DSTYK: variants seen among roughly 807,000 people sequenced by gnomAD.
DSTYK encodes the protein RIP-homologous kinase.
DSTYK carries 34 observed loss-of-function variants against 98.7 expected under a neutral mutation model. The observed-to-expected ratio is 0.34, with a 90% CI of 0.26 to 0.46. The LOEUF (loss-of-function observed/expected upper bound fraction) is 0.46, where lower values mean the gene tolerates loss of function less well. Ranked by LOEUF, DSTYK falls within the 20% of genes least tolerant of loss-of-function variation. The probability of loss-of-function intolerance (pLI) is 1.00; values close to 1 mark genes in which losing one functional copy is unlikely to be tolerated. For synonymous variants in DSTYK, 462 were observed against 457.3 expected (o/e 1.01, Z -0.13); for missense variants, 962 against 1,181.7 (o/e 0.81, Z 2.73).
Position 205,201,406 on chromosome 1 carries a change from A to C in DSTYK, c.265+9865T>G, listed in dbSNP as rs1384849943. 1.0e-4 allele frequency among the ~76,000 whole-genome samples: 4 copies of C among 39,918 alleles called. No individual in the cohort carries two copies. In the Admixed American group the frequency reaches 1.4e-3, roughly 14 times the overall value. The allele number at this position is 39,918 out of a possible 152,430, so 26.2% of individuals were successfully genotyped here. On this transcript the variant is annotated intron_variant, in intron 1 of 12. Coordinates refer to ENST00000367162, the MANE Select transcript of DSTYK (RefSeq NM_015375.3). ...ATTAAAAACAAAATTTTTTTAATGC[A>C]AAAAAAAAAAAAAAAAAAGAATGCA...
At chr1:205,163,160 T>C (rs1044669351) in intron 4 of DSTYK, among the ~76,000 whole-genome samples, 154 bp from the exon 5 acceptor site, 1 of 152,202 alleles carries the variant, frequency 6.6e-6, no homozygotes, top group African/African-American at 2.4e-5. Context: ...GCTGATTATT[T>C]ATTTTGTGAC....
intron 2 of DSTYK, among the ~76,000 whole-genome samples, chr1:205,177,463 C>T (rs1658264989): frequency 6.6e-6 from 1 of 152,192 alleles, no homozygotes; most frequent in Non-Finnish European, 1.5e-5. Flanking sequence ...TGTTTGTTTT[C>T]ACACAGGGCT....
At chr1:205,176,476 TAAA>T (rs61291677) in intron 2 of DSTYK, among the ~76,000 whole-genome samples, 537 of 42,936 alleles carry the variant, frequency 0.013, no homozygotes, top group Middle Eastern at 0.031. Context: ...AACTCCCTCT[TAAA>T]AAAAAAAAAA....
chr1:205,185,766 G>A (rs1658543423), intron 2 of DSTYK, among the ~76,000 whole-genome samples: 1 of 152,218 alleles, frequency 6.6e-6, no homozygotes, highest in African/African-American at 2.4e-5. Flanking sequence ...GCTCACGCCT[G>A]TAATCCCAGC....
intron 1 of DSTYK, among the ~76,000 whole-genome samples, chr1:205,194,001 G>A (rs960959593): frequency 1.3e-5 from 2 of 152,316 alleles, no homozygotes; most frequent in East Asian, 1.9e-4. Flanking sequence ...CACACCCTGG[G>A]GGAAGGAATG....
At chr1:205,152,907 G>C (rs975414857) in intron 10 of DSTYK, among the ~76,000 whole-genome samples, 1 of 152,064 alleles carries the variant, frequency 6.6e-6, no homozygotes, top group Admixed American at 6.6e-5. Context: ...TGCATCCCCA[G>C]TGCTTAGCAC....
chr1:205,161,141 G>C, intron 7 of DSTYK, 117 bp downstream of exon 7: 1 of 1,338,096 alleles, frequency 7.5e-7, no homozygotes, highest in South Asian at 1.4e-5. Flanking sequence ...ATCAGTAAGG[G>C]TTTAGGCAGC....
intron 1 of DSTYK, among the ~76,000 whole-genome samples, chr1:205,197,599 G>A (rs1198482948): frequency 6.7e-6 from 1 of 149,214 alleles, no homozygotes; most frequent in East Asian, 2.0e-4. Flanking sequence ...TACTTGACAA[G>A]AAAAACCAGC....
At chr1:205,148,945 C>T (rs1476038321) in intron 11 of DSTYK, among the ~76,000 whole-genome samples, 1 of 150,854 alleles carries the variant, frequency 6.6e-6, no homozygotes, top group Non-Finnish European at 1.5e-5. Context: ...TCTTATTGCC[C>T]AGGCTGGAGT....
At position 205,146,872 on chromosome 1, in the gene DSTYK, CT is replaced by C. The variant is rs554315062; in HGVS notation, c.*685del. 0.021 allele frequency: 2,966 copies of C among 139,804 alleles called. 42 individuals carry two copies. The highest frequency in any genetic ancestry group is 0.039 in the African/African-American group (1,476 of 38,290). The allele number at this position is 139,804 out of a possible 1,614,324, so 8.7% of individuals were successfully genotyped here. Reference sequence around the variant, plus strand: ...AGGCGTGAGCCACCATGCCTGGCCTCTTTTTTTTTTTTTTTCCTCTTTTCAG... The same window carrying C: ...AGGCGTGAGCCACCATGCCTGGCCTCTTTTTTTTTTTTTTCCTCTTTTCAG... On this transcript the variant is annotated 3_prime_UTR_variant, in exon 13 of 13. Transcript: ENST00000367162.
chr1:205,179,620 CAAAA>C (rs1201839853), intron 2 of DSTYK, among the ~76,000 whole-genome samples: 7 of 65,854 alleles, frequency 1.1e-4, no homozygotes, highest in African/African-American at 3.0e-4. Flanking sequence ...GAGTCCGTCT[CAAAA>C]AAAAAAAAAA....
Position 205,142,875 on chromosome 1 carries a change from A to C in DSTYK, c.*4683T>G, listed in dbSNP as rs1016208387. 3.3e-5 allele frequency: 5 copies of C among 152,264 alleles called. No individual in the cohort carries two copies. The highest frequency in any genetic ancestry group is 2.0e-4 in the Admixed American group (3 of 15,286). The allele number at this position is 152,264 out of a possible 1,614,324, so 9.4% of individuals were successfully genotyped here. On this transcript the variant is annotated 3_prime_UTR_variant, in exon 13 of 13. Coordinates refer to ENST00000367162, the MANE Select transcript of DSTYK (RefSeq NM_015375.3). ...GAAGACAAAAGACAACAGGCTGCCC[A>C]GACCAATTTTCTTTTCAACTATCTG... is the stretch of plus-strand genomic sequence containing the variant.
intron 1 of DSTYK, among the ~76,000 whole-genome samples, chr1:205,196,706 G>GA (rs1471453948): frequency 6.8e-6 from 1 of 148,120 alleles, no homozygotes; most frequent in African/African-American, 2.5e-5. Flanking sequence ...AATTGCAAAG[G>GA]AAAAAAATGG....
intron 1 of DSTYK, among the ~76,000 whole-genome samples, chr1:205,207,877 T>G (rs1574807860): frequency 6.6e-6 from 1 of 151,814 alleles, no homozygotes; most frequent in Admixed American, 6.6e-5. Flanking sequence ...ATTTATGTAT[T>G]TATTTATTTA....
chr1:205,157,591 C>A lies in DSTYK; in HGVS notation c.2239-205G>T, dbSNP rs141235885. Among the ~76,000 whole-genome samples the A allele has an allele frequency of 0.012, 1,839 of 152,196 alleles. 25 individuals are homozygous for A. The highest frequency in any genetic ancestry group is 0.015 in the Non-Finnish European group (1,043 of 68,002). The stretch of plus-strand genomic sequence containing the variant: ...TGGCAAACATGGTGAAATCCTGTCT[C>A]TACTAAAAATGCAAAAAAGAATTAG... On this transcript the variant is annotated intron_variant, in intron 9 of 12. Transcript: ENST00000367162.
intron 2 of DSTYK, among the ~76,000 whole-genome samples, chr1:205,171,395 G>A (rs1487166812): frequency 6.7e-6 from 1 of 150,076 alleles, no homozygotes; most frequent in Non-Finnish European, 1.5e-5. Flanking sequence ...AGGTTGCAGT[G>A]AGCTGAGATC....
In DSTYK at chr1:205,147,760, A is replaced by G. The variant is rs746175648; in HGVS notation, c.2603-15T>C. 1.9e-6 allele frequency: 3 copies of G among 1,609,662 alleles called. No individual in the cohort carries two copies. On this transcript the variant is annotated splice_polypyrimidine_tract_variant and intron_variant, in intron 12 of 12. Transcript: ENST00000367162. ...TGGGCGAGCCCCTAGAGAAAGGAGCATGGAAACAAGATCACAGTGAGAGGG... is the reference window on the plus strand; with the variant it reads ...TGGGCGAGCCCCTAGAGAAAGGAGCGTGGAAACAAGATCACAGTGAGAGGG...
At chr1:205,158,412 G>A (rs1657621307) in intron 9 of DSTYK, among the ~76,000 whole-genome samples, 1 of 151,698 alleles carries the variant, frequency 6.6e-6, no homozygotes, top group Admixed American at 6.6e-5. Context: ...TCCTACATAG[G>A]GAACAGACAA....
chr1:205,157,081 C>A (rs1475602672), intron 10 of DSTYK, among the ~76,000 whole-genome samples, 192 bp downstream of exon 10: 1 of 152,204 alleles, frequency 6.6e-6, no homozygotes, highest in Non-Finnish European at 1.5e-5. Flanking sequence ...CCCTGTGGAA[C>A]TGTGAGTCAA....
Sources: allele counts gnomAD v4.1 joint callset (sites outside exome capture counted in the v4.1 genomes callset), GRCh38; gene constraint gnomAD v4.1.1; transcripts MANE v1.5; gene names NCBI Gene and HGNC (gene_info 2026-07-23, HGNC 2026-07-21).